The following SETDB2 variants were observed in gnomAD, a reference collection of about 807,000 sequenced individuals.
SETDB2 encodes the protein SET domain bifurcated histone lysine methyltransferase 2.
SETDB2 carries 56 observed loss-of-function variants against 82.5 expected under a neutral mutation model. That is an observed-to-expected ratio of 0.68 (90% CI 0.55 to 0.85). The LOEUF (loss-of-function observed/expected upper bound fraction) is 0.85, where lower values mean the gene tolerates loss of function less well. Ranked by LOEUF, SETDB2 falls within the 40% of genes least tolerant of loss-of-function variation. SETDB2 has a pLI of 0.00. For missense variants in SETDB2, 677 were observed against 816.4 expected (o/e 0.83, Z 2.08); for synonymous variants, 272 against 284.9 (o/e 0.95, Z 0.46).
Position 49,475,417 on chromosome 13 carries a change from C to T in SETDB2, c.306-1059C>T, listed in dbSNP as rs12427447. Among the ~76,000 whole-genome samples the T allele has an allele frequency of 1.3e-5, 2 of 151,872 alleles. 1 individual carries two copies. Among genetic ancestry groups the T allele is most frequent in the South Asian group, 4.2e-4 (2 of 4,816 alleles). On this transcript the variant is annotated intron_variant, in intron 5 of 13. Transcript: ENST00000611815. ...AACAGACACCTAAAGATAGAAAATT[C>T]TATGTAAAACAAAACTCAGATTATT...
At chr13:49,491,273 A>G (rs1437274136) in intron 13 of SETDB2, among the ~76,000 whole-genome samples, 1 of 152,224 alleles carries the variant, frequency 6.6e-6, no homozygotes, top group Non-Finnish European at 1.5e-5. Flanking sequence ...TAGAATATTC[A>G]ATTATCCTAA....
Position 49,446,508 on chromosome 13 carries a change from A to T in SETDB2, c.-342+1651A>T, listed in dbSNP as rs1401539361. The T allele has an allele frequency of 3.6e-5, 14 of 387,860 alleles. No individual in the cohort carries two copies. The Middle Eastern group carries it at 2.9e-3, about 80-fold the overall frequency. The allele number at this position is 387,860 out of a possible 1,614,324, so 24.0% of individuals were successfully genotyped here. A position where few individuals can be genotyped will look rare whatever the true frequency, so the allele number is the denominator to read the frequency against. The stretch of plus-strand genomic sequence containing the variant: ...TTTAATACTGTTACATATTCTATAT[A>T]GGTGAATATATACATTTGTAATTTT... On this transcript the variant is annotated intron_variant, in intron 1 of 13. Coordinates refer to ENST00000611815, the MANE Select transcript of SETDB2 (RefSeq NM_001160308.3).
At chr13:49,448,161 G>A (rs1420581553) in intron 1 of SETDB2, among the ~76,000 whole-genome samples, 1 of 152,126 alleles carries the variant, frequency 6.6e-6, no homozygotes, top group African/African-American at 2.4e-5. Flanking sequence ...AGTGAGGGGT[G>A]GGGATGTGTG....
intron 2 of SETDB2, among the ~76,000 whole-genome samples, chr13:49,454,410 A>G (rs967805421): frequency 6.6e-6 from 1 of 152,118 alleles, no homozygotes; most frequent in African/African-American, 2.4e-5. Flanking sequence ...CTATCTCAAA[A>G]TAAATAAATA....
chr13:49,461,221 A>C, intron 4 of SETDB2, 59 bp downstream of exon 4: 1 of 1,213,526 alleles, frequency 8.2e-7, no homozygotes. Flanking sequence ...GCCATGAAGC[A>C]GGATAGCTTT....
intron 5 of SETDB2, among the ~76,000 whole-genome samples, chr13:49,470,975 T>C (rs1216376137): frequency 7.1e-6 from 1 of 140,730 alleles, no homozygotes; most frequent in African/African-American, 2.7e-5. Context: ...TCTTTTTTTT[T>C]TTTTTTTTTG....
intron 4 of SETDB2, among the ~76,000 whole-genome samples, chr13:49,463,621 C>T (rs928771868): frequency 6.6e-6 from 1 of 152,206 alleles, no homozygotes; most frequent in Non-Finnish European, 1.5e-5. Flanking sequence ...TGTCTGTTAT[C>T]TAGGTTTTTC....
At chr13:49,447,398 GACTTCCAGT>G (rs1198072937) in intron 1 of SETDB2, among the ~76,000 whole-genome samples, 1 of 151,988 alleles carries the variant, frequency 6.6e-6, no homozygotes, top group African/African-American at 2.4e-5. Flanking sequence ...ATTTCTCTAA[GACTTCCAGT>G]ACAGTATTGA....
At chr13:49,474,904 A>T (rs1469386220) in intron 5 of SETDB2, among the ~76,000 whole-genome samples, 15 of 152,268 alleles carry the variant, frequency 9.9e-5, no homozygotes, top group Non-Finnish European at 2.9e-5. Flanking sequence ...CAGTAACCAC[A>T]TGTGCCCACT....
intron 8 of SETDB2, 117 bp from the exon 9 acceptor site, chr13:49,482,620 T>C (rs1958501804): frequency 4.3e-6 from 3 of 701,838 alleles, no homozygotes. Context: ...AGTTAATGTG[T>C]TTATCTTCAT....
chr13:49,462,574 T>C lies in SETDB2; in HGVS notation c.208+1412T>C, dbSNP rs116461122. On this transcript the variant is annotated intron_variant, in intron 4 of 13. Coordinates refer to ENST00000611815, the MANE Select transcript of SETDB2 (RefSeq NM_001160308.3). The stretch of plus-strand genomic sequence containing the variant: ...GTACTAAGACTTTAAAAAGAAAAAC[T>C]GAGAAGTTATTTTAACAGGATCAAT... 5.8e-3 allele frequency among the ~76,000 whole-genome samples: 880 copies of C among 152,308 alleles called. 8 individuals are homozygous for C. Among genetic ancestry groups the C allele is most frequent in the African/African-American group, 0.019 (810 of 41,572 alleles).
intron 12 of SETDB2, among the ~76,000 whole-genome samples, chr13:49,490,279 CAAAA>C (rs60013535): frequency 0.084 from 7,008 of 83,012 alleles, 207 homozygotes; most frequent in South Asian, 0.21. Context: ...GACTCCGTCT[CAAAA>C]AAAAAAAAAA....
At chr13:49,483,234 A>G (rs1265329498) in intron 9 of SETDB2, among the ~76,000 whole-genome samples, 1 of 152,000 alleles carries the variant, frequency 6.6e-6, no homozygotes, top group Non-Finnish European at 1.5e-5. Context: ...ATTTTCTATC[A>G]TTTTATCTGC....
Position 49,477,796 on chromosome 13 carries a change from T to C in SETDB2, c.869+757T>C, listed in dbSNP as rs143896968. Among the ~76,000 whole-genome samples, 809 of 152,360 alleles carry C rather than the reference T, an allele frequency of 5.3e-3. 3 individuals are homozygous for C. Among genetic ancestry groups the C allele is most frequent in the Non-Finnish European group, 8.0e-3 (541 of 68,020 alleles). ...TGTAGAGACAGGATTTGAACCCATG[T>C]TCTTAACCATTGGGTTATATGTTGC... On this transcript the variant is annotated intron_variant, in intron 6 of 13. Transcript: ENST00000611815.
At chr13:49,466,578 A>G (rs1279176894) in intron 4 of SETDB2, among the ~76,000 whole-genome samples, 2 of 152,186 alleles carry the variant, frequency 1.3e-5, no homozygotes, top group Non-Finnish European at 1.5e-5. Context: ...CCTTTGGCAT[A>G]ATAAATTTGG....
In SETDB2 at chr13:49,492,338, A is replaced by G. The variant is rs965521647; in HGVS notation, c.*489A>G. 12 of 162,454 alleles carry G rather than the reference A, an allele frequency of 7.4e-5. No individual in the cohort carries two copies. Among genetic ancestry groups the G allele is most frequent in the Admixed American group, 6.7e-4 (11 of 16,434 alleles). 10.1% of individuals were successfully genotyped at this position (162,454 alleles called of 1,614,324 possible). Reference sequence around the variant, plus strand: ...AGCGCCTGAGGATCTAATTTTATGCATATTACTCCCAAGTATTTTAACACT... The same window carrying G: ...AGCGCCTGAGGATCTAATTTTATGCGTATTACTCCCAAGTATTTTAACACT... On this transcript the variant is annotated 3_prime_UTR_variant, in exon 14 of 14. Coordinates refer to ENST00000611815, the MANE Select transcript of SETDB2 (RefSeq NM_001160308.3).
intron 5 of SETDB2, among the ~76,000 whole-genome samples, chr13:49,471,420 CTTTTTTT>C (rs200346844): frequency 7.5e-6 from 1 of 132,796 alleles, no homozygotes; most frequent in African/African-American, 2.8e-5. Flanking sequence ...TCTGAATTCC[CTTTTTTT>C]TTTTTTTTTT....
chr13:49,461,471 C>G (rs548045883), intron 4 of SETDB2, among the ~76,000 whole-genome samples: 1 of 152,128 alleles, frequency 6.6e-6, no homozygotes, highest in Non-Finnish European at 1.5e-5. Flanking sequence ...ACTATATATC[C>G]GCTTTCTGTG....
chr13:49,456,671 G>A (rs1957888309), intron 2 of SETDB2, among the ~76,000 whole-genome samples: 1 of 152,162 alleles, frequency 6.6e-6, no homozygotes. Context: ...AAGAAGTGAA[G>A]ATCAGGAGCA....
Sources: gnomAD v4.1 joint callset for allele counts (sites outside exome capture counted in the v4.1 genomes callset) on GRCh38, gnomAD v4.1.1 for gene constraint, MANE v1.5 for transcripts, NCBI Gene and HGNC (gene_info 2026-07-23, HGNC 2026-07-21) for gene names.